CPQ: variants seen among roughly 807,000 people sequenced by gnomAD.
The protein encoded by CPQ is Ser-Met dipeptidase.
A neutral mutation model predicts 45.7 loss-of-function variants in CPQ; 37 were observed. The ratio of observed to expected loss-of-function variants is 0.81; its 90% CI spans 0.62 to 1.07. The LOEUF is 1.07. Among genes scored for constraint, CPQ ranks in the 50% least tolerant of loss-of-function variants. The probability of loss-of-function intolerance (pLI) is 0.00; values close to 1 mark genes in which losing one functional copy is unlikely to be tolerated. For missense variants in CPQ, 537 were observed against 572.9 expected (o/e 0.94, Z 0.64); for synonymous variants, 186 against 205.8 (o/e 0.90, Z 0.82).
rs766899037 is a variant in CPQ at position 96,785,142 on chromosome 8, A to G, written c.245A>G (p.Lys82Arg). ...DTVGPRLSGS[K>R]NLEKAIQIMY... is the part of the protein sequence containing the mutation. ...GTTGGACCCAGACTGAGTGGCTCCA[A>G]GAACCTAGAAAAAGCCATCCAAATT... is the stretch of plus-strand genomic sequence containing the variant. Residue 82 changes from lysine (K) to arginine (R), a missense_variant, in exon 2 of 8, where the codon AAG (lysine) becomes AGG (arginine). Coordinates refer to ENST00000220763, the MANE Select transcript of CPQ (RefSeq NM_016134.4). The G allele has an allele frequency of 6.2e-7, 1 of 1,613,736 alleles. No homozygotes were observed. The highest frequency in any genetic ancestry group is 8.5e-7 in the Non-Finnish European group (1 of 1,179,822).
At chr8:97,139,917 A>T (rs1812128234) in intron 7 of CPQ, among the ~76,000 whole-genome samples, 1 of 151,944 alleles carries the variant, frequency 6.6e-6, no homozygotes, top group Non-Finnish European at 1.5e-5. Flanking sequence ...TGGAAGAACA[A>T]CTACTAAATA....
chr8:97,079,281 C>G (rs916940523), intron 7 of CPQ, among the ~76,000 whole-genome samples: 2 of 152,118 alleles, frequency 1.3e-5, no homozygotes, highest in African/African-American at 4.8e-5. Flanking sequence ...CCTGTTCTTT[C>G]TTCTTAGACC....
intron 3 of CPQ, among the ~76,000 whole-genome samples, chr8:96,868,708 C>T (rs950252669): frequency 6.6e-6 from 1 of 151,754 alleles, no homozygotes; most frequent in African/African-American, 2.4e-5. Flanking sequence ...TTTATTATCC[C>T]ATATTTCCTC....
At chr8:96,823,984 C>T (rs1811345041) in intron 2 of CPQ, among the ~76,000 whole-genome samples, 1 of 152,028 alleles carries the variant, frequency 6.6e-6, no homozygotes, top group Non-Finnish European at 1.5e-5. Flanking sequence ...AACAATCATT[C>T]TATGTCTTCA....
intron 6 of CPQ, among the ~76,000 whole-genome samples, chr8:97,059,290 A>G (rs1012795376): frequency 6.6e-6 from 1 of 152,146 alleles, no homozygotes; most frequent in Non-Finnish European, 1.5e-5. Context: ...TGGCTAAACC[A>G]TAGTAGGAGT....
intron 2 of CPQ, among the ~76,000 whole-genome samples, chr8:96,828,087 A>G (rs1263191156): frequency 7.9e-5 from 12 of 152,048 alleles, no homozygotes; most frequent in Admixed American, 7.2e-4. Context: ...CCATTGCAGT[A>G]AACAGTGTGT....
chr8:96,969,900 G>T (rs1161815001), intron 5 of CPQ, among the ~76,000 whole-genome samples: 1 of 152,168 alleles, frequency 6.6e-6, no homozygotes, highest in Non-Finnish European at 1.5e-5. Context: ...CCTGTTAACA[G>T]AAACAACACA....
At chr8:97,110,274 T>C (rs11785956) in intron 7 of CPQ, among the ~76,000 whole-genome samples, 100,479 of 152,134 alleles carry the variant, frequency 0.66, 35,234 homozygotes, top group African/African-American at 0.91. Flanking sequence ...CTGAGATTCA[T>C]CCACGCTGTT....
chr8:96,939,757 A>G (rs1300869425), intron 4 of CPQ, among the ~76,000 whole-genome samples: 1 of 152,162 alleles, frequency 6.6e-6, no homozygotes, highest in African/African-American at 2.4e-5. Context: ...TGCTGTTTCA[A>G]ACAGTGCTGC....
chr8:97,012,840 T>C (rs971866397), intron 5 of CPQ, among the ~76,000 whole-genome samples: 4 of 150,594 alleles, frequency 2.7e-5, no homozygotes, highest in African/African-American at 5.0e-5. Context: ...TGAAATTTCA[T>C]GTAAACACCT....
intron 4 of CPQ, among the ~76,000 whole-genome samples, chr8:96,931,552 T>A (rs1397276088): frequency 6.6e-6 from 1 of 152,118 alleles, no homozygotes; most frequent in Non-Finnish European, 1.5e-5. Context: ...AGCTTGGCCT[T>A]CAGAGGAGTA....
intron 4 of CPQ, among the ~76,000 whole-genome samples, chr8:96,945,386 AACTT>A (rs1353716546): frequency 2.0e-5 from 3 of 152,194 alleles, no homozygotes. Context: ...TTTTACAACA[AACTT>A]AATTATTTTG....
intron 5 of CPQ, among the ~76,000 whole-genome samples, chr8:97,013,223 A>G (rs937365261): frequency 6.6e-6 from 1 of 152,068 alleles, no homozygotes; most frequent in Non-Finnish European, 1.5e-5. Flanking sequence ...GAGGTTGCAG[A>G]AAGCCGAGAC....
intron 2 of CPQ, among the ~76,000 whole-genome samples, chr8:96,830,249 G>A (rs778274178): frequency 3.3e-5 from 5 of 152,068 alleles, no homozygotes; most frequent in East Asian, 3.9e-4. Context: ...CCATAGACAC[G>A]TTTTTCTGTC....
At chr8:96,671,740 A>T (rs1043232227) in intron 1 of CPQ, among the ~76,000 whole-genome samples, 3 of 152,180 alleles carry the variant, frequency 2.0e-5, no homozygotes, top group Non-Finnish European at 4.4e-5. Context: ...CATAGTTGCC[A>T]ACTTCTCCTT....
intron 7 of CPQ, among the ~76,000 whole-genome samples, chr8:97,069,342 T>A (rs78217631): frequency 0.028 from 4,270 of 151,954 alleles, 197 homozygotes; most frequent in African/African-American, 0.092. Flanking sequence ...AAATTTCAGG[T>A]ACCTCACTGT....
intron 1 of CPQ, among the ~76,000 whole-genome samples, chr8:96,679,111 C>T (rs920310870): frequency 2.6e-5 from 4 of 152,044 alleles, no homozygotes; most frequent in South Asian, 2.1e-4. Context: ...TCTCATTCTT[C>T]TGCATGGATA....
intron 4 of CPQ, among the ~76,000 whole-genome samples, chr8:96,937,320 A>G (rs542257140): frequency 8.5e-5 from 13 of 152,176 alleles, no homozygotes; most frequent in South Asian, 2.1e-4. Flanking sequence ...CTAGTTTTCT[A>G]TGGCTGAGTG....
intron 4 of CPQ, among the ~76,000 whole-genome samples, chr8:96,943,504 T>A (rs1447902674): frequency 6.6e-6 from 1 of 152,150 alleles, no homozygotes. Context: ...AGCAGCACTT[T>A]AAGTATTATT....
Sources: allele counts gnomAD v4.1 joint callset (sites outside exome capture counted in the v4.1 genomes callset), GRCh38; gene constraint gnomAD v4.1.1; transcripts MANE v1.5; gene names NCBI Gene and HGNC (gene_info 2026-07-23, HGNC 2026-07-21).